MMP26: variants seen among roughly 807,000 people sequenced by gnomAD.
MMP26 encodes the protein matrix metallopeptidase 26.
A neutral mutation model predicts 31.0 loss-of-function variants in MMP26; 33 were observed. The observed-to-expected ratio is 1.06, with a 90% CI of 0.81 to 1.42. The LOEUF (loss-of-function observed/expected upper bound fraction) is 1.42. Among genes scored for constraint, MMP26 ranks in the 40% most tolerant of loss-of-function variants. The pLI, the probability that MMP26 is intolerant of heterozygous loss-of-function variation, is 0.00. For synonymous variants in MMP26, 122 were observed against 114.9 expected, an observed-to-expected ratio of 1.06 and a Z score of -0.40; for missense variants, 347 against 316.1, an observed-to-expected ratio of 1.10 and a Z score of -0.74.
chr11:4,812,295 T>C (rs1279334311), intron 2 of MMP26, among the ~76,000 whole-genome samples: 3 of 152,160 alleles, frequency 2.0e-5, no homozygotes, highest in African/African-American at 7.2e-5. Context: ...AACATAAATA[T>C]TACATAGACA....
At chr11:4,799,241 C>A (rs36098183) in intron 2 of MMP26, among the ~76,000 whole-genome samples, 55,926 of 151,794 alleles carry the variant, frequency 0.37, 11,357 homozygotes, top group African/African-American at 0.52. Flanking sequence ...GCTCAGGCTG[C>A]AGACTGTACG....
intron 2 of MMP26, among the ~76,000 whole-genome samples, chr11:4,773,679 T>C (rs1848755707): frequency 6.6e-6 from 1 of 151,946 alleles, no homozygotes. Context: ...TGTGCAGGTT[T>C]GTTACACAGG....
intron 2 of MMP26, among the ~76,000 whole-genome samples, chr11:4,864,211 T>C (rs986819260): frequency 6.6e-6 from 1 of 152,208 alleles, no homozygotes; most frequent in East Asian, 1.9e-4. Flanking sequence ...GTTTTCTGAA[T>C]TGTTATTCCA....
chr11:4,843,689 A>G (rs376389241), intron 2 of MMP26, among the ~76,000 whole-genome samples: 1 of 152,236 alleles, frequency 6.6e-6, no homozygotes, highest in South Asian at 2.1e-4. Flanking sequence ...CATTTTCCCC[A>G]TTGTGGTGGC....
chr11:4,968,396 A>G (rs1846623336), intron 2 of MMP26, among the ~76,000 whole-genome samples: 1 of 152,026 alleles, frequency 6.6e-6, no homozygotes, highest in South Asian at 2.1e-4. Context: ...GAGTTTTCAG[A>G]GGCCCTCTGG....
intron 2 of MMP26, chr11:4,849,031 G>C (rs11602499): frequency 0.4 from 638,741 of 1,613,542 alleles, 131,827 homozygotes; most frequent in Middle Eastern, 0.44. Flanking sequence ...AGGGCGGGCT[G>C]CAGGGCAATG....
intron 1 of MMP26, among the ~76,000 whole-genome samples, chr11:4,733,216 T>C (rs1387420604): frequency 6.6e-6 from 1 of 152,252 alleles, no homozygotes; most frequent in Non-Finnish European, 1.5e-5. Context: ...TGATGTCGAT[T>C]ACATTACATT....
At chr11:4,714,931 C>A (rs992202045) in intron 1 of MMP26, among the ~76,000 whole-genome samples, 1 of 151,460 alleles carries the variant, frequency 6.6e-6, no homozygotes, top group Non-Finnish European at 1.5e-5. Flanking sequence ...CACACACACA[C>A]ACACACACAC....
chr11:4,924,059 A>G (rs770401515), intron 2 of MMP26: 4 of 1,614,056 alleles, frequency 2.5e-6, no homozygotes, highest in Non-Finnish European at 2.5e-6. Context: ...AGGGATGCCA[A>G]TCTCTCTGGT....
chr11:4,986,905 T>TCTC (rs1846899080), intron 2 of MMP26, among the ~76,000 whole-genome samples: 1 of 48,646 alleles, frequency 2.1e-5, no homozygotes, highest in African/African-American at 8.5e-5. Flanking sequence ...CTTCCTTCCT[T>TCTC]TCTCTCTCTC....
chr11:4,906,394 C>G (rs747534320), intron 2 of MMP26, among the ~76,000 whole-genome samples: 1 of 152,074 alleles, frequency 6.6e-6, no homozygotes, highest in Non-Finnish European at 1.5e-5. Context: ...AAATAACGCC[C>G]AAATAAGTTA....
intron 1 of MMP26, among the ~76,000 whole-genome samples, chr11:4,743,786 A>G (rs1363172662): frequency 6.6e-6 from 1 of 152,136 alleles, no homozygotes; most frequent in African/African-American, 2.4e-5. Context: ...TAATGAGTCA[A>G]ATTCAATTTT....
chr11:4,967,602 GT>G (rs1846613670), intron 2 of MMP26, among the ~76,000 whole-genome samples: 1 of 152,030 alleles, frequency 6.6e-6, no homozygotes, highest in African/African-American at 2.4e-5. Context: ...GTGTCAGGCT[GT>G]TTTTTTCCTA....
chr11:4,787,779 G>T (rs1023840004), intron 2 of MMP26: 1 of 152,054 alleles, frequency 6.6e-6, no homozygotes, highest in Non-Finnish European at 1.5e-5. Context: ...ATGCCAACCC[G>T]TATTTCTTCT....
rs539312928 is a variant in MMP26, at chr11:4,954,061, A to C, written c.-144-34007A>C. ...AGAGCAAGATTTCGTCTCAAAAAAAATTTCTTTATTGATTTAATTGTATTT... is the reference window on the plus strand; with the variant it reads ...AGAGCAAGATTTCGTCTCAAAAAAACTTTCTTTATTGATTTAATTGTATTT... On this transcript the variant is annotated intron_variant, in intron 2 of 7. Coordinates refer to ENST00000380390, the MANE Select transcript of MMP26 (RefSeq NM_021801.5). Among the ~76,000 whole-genome samples, 305 of 125,946 alleles carry C rather than the reference A, an allele frequency of 2.4e-3. 85 individuals are homozygous for C. Among genetic ancestry groups the C allele is most frequent in the South Asian group, 0.012 (51 of 4,212 alleles). 82.6% of individuals were successfully genotyped at this position (125,946 alleles called of 152,430 possible).
At chr11:4,713,944 A>T (rs1251465355) in intron 1 of MMP26, among the ~76,000 whole-genome samples, 2 of 152,170 alleles carry the variant, frequency 1.3e-5, no homozygotes, top group African/African-American at 4.8e-5. Flanking sequence ...CATGAAGTAG[A>T]ATGAGCCCTT....
At chr11:4,970,218 A>G (rs982477590) in intron 2 of MMP26, among the ~76,000 whole-genome samples, 2 of 152,236 alleles carry the variant, frequency 1.3e-5, no homozygotes, top group Non-Finnish European at 1.5e-5. Context: ...AGTATTTTTG[A>G]CAAAAATGGA....
chr11:4,800,829 T>C (rs1179964585), intron 2 of MMP26, among the ~76,000 whole-genome samples: 1 of 152,162 alleles, frequency 6.6e-6, no homozygotes. Flanking sequence ...TGCTTAGAAA[T>C]TTTTTATTCC....
At chr11:4,963,702 C>A (rs1846552412) in intron 2 of MMP26, among the ~76,000 whole-genome samples, 1 of 152,174 alleles carries the variant, frequency 6.6e-6, no homozygotes, top group South Asian at 2.1e-4. Flanking sequence ...ACTGTCTTCA[C>A]AATAGTTGAA....
Sources: allele counts gnomAD v4.1 joint callset (sites outside exome capture counted in the v4.1 genomes callset), GRCh38; gene constraint gnomAD v4.1.1; transcripts MANE v1.5; gene names NCBI Gene and HGNC (gene_info 2026-07-23, HGNC 2026-07-21).